PHOSPHO1: variants seen among roughly 807,000 people sequenced by gnomAD.
PHOSPHO1 encodes the protein phosphoethanolamine/phosphocholine phosphatase.
Under a neutral mutation model 17.7 loss-of-function variants are expected in PHOSPHO1, and 6 were observed. The observed-to-expected ratio is 0.34, with a 90% CI of 0.19 to 0.67. PHOSPHO1 has a LOEUF of 0.67. Ranked by LOEUF, PHOSPHO1 falls within the 30% of genes least tolerant of loss-of-function variation. The pLI is 0.69. For missense variants in PHOSPHO1, 330 were observed against 392.1 expected (o/e 0.84, Z 1.34); for synonymous variants, 159 against 174.6 (o/e 0.91, Z 0.71).
At position 49,226,647 on chromosome 17, in the gene PHOSPHO1, C is replaced by T. The variant is rs372420232; in HGVS notation, c.45G>A (p.Arg15=). ...GAGACCCCTGGAGGGACCCACTTAC[C>T]CTAGATAGGCAGCGGAGGCCAGAAA... is the stretch of plus-strand genomic sequence containing the variant. ...FPVSGLRCLS[R]DGRMAAQGAP... Residue 15 remains arginine, a splice_region_variant and synonymous_variant, in exon 2 of 3, where the codon AGG becomes AGA. Transcript: ENST00000310544. 1.2e-6 allele frequency: 2 copies of T among 1,614,172 alleles called. No individual in the cohort carries two copies. Among genetic ancestry groups the T allele is most frequent in the Non-Finnish European group, 1.7e-6 (2 of 1,180,018 alleles).
chr17:49,225,151 G>C, intron 2 of PHOSPHO1, 147 bp from the exon 3 acceptor site: 1 of 1,435,026 alleles, frequency 7.0e-7, no homozygotes, highest in Non-Finnish European at 9.1e-7. Flanking sequence ...ACCCAAGTCT[G>C]GTTAAGCTGG....
rs1187439597 is a variant in PHOSPHO1, at chr17:49,226,657, C to G, written c.35G>C (p.Cys12Ser). 1 of 1,614,216 alleles carries G rather than the reference C, an allele frequency of 6.2e-7. No homozygotes were observed. The highest frequency in any genetic ancestry group is 1.7e-4 in the Middle Eastern group (1 of 6,060). Residue 12 changes from cysteine to serine, a missense_variant, in exon 2 of 3, where the codon TGC (cysteine) becomes TCC (serine). Physicochemically the swap from Cys to Ser is moderately radical, Grantham distance 112. Transcript: ENST00000310544. ...GAGGGACCCACTTACCCTAGATAGG[C>G]AGCGGAGGCCAGAAACTGGAAAACA... Reference protein sequence around the residue: ...SGCFPVSGLRCLSRDGRMAAQ... With the variant: ...SGCFPVSGLRSLSRDGRMAAQ...
rs2043323260 is a variant in PHOSPHO1 at position 49,224,183 on chromosome 17, C to T, written c.*63G>A. The T allele has an allele frequency of 6.8e-7, 1 of 1,472,044 alleles. No homozygotes were observed. The highest frequency in any genetic ancestry group is 9.0e-7 in the Non-Finnish European group (1 of 1,117,236). The allele number at this position is 1,472,044 out of a possible 1,614,324, so 91.2% of individuals were successfully genotyped here. Reference sequence around the variant, plus strand: ...AAAGGGAGTAGTAAAGCTGTCTTTGCCGAATCTCCCTTCCCCGCCCCCTCC... The same window carrying T: ...AAAGGGAGTAGTAAAGCTGTCTTTGTCGAATCTCCCTTCCCCGCCCCCTCC... On this transcript the variant is annotated 3_prime_UTR_variant, in exon 3 of 3. Coordinates refer to ENST00000310544, the MANE Select transcript of PHOSPHO1 (RefSeq NM_178500.4).
chr17:49,224,010 C>T lies in PHOSPHO1; in HGVS notation c.*236G>A, dbSNP rs2043321564. The T allele has an allele frequency of 1.9e-6, 1 of 529,806 alleles. No individual in the cohort carries two copies. The highest frequency in any genetic ancestry group is 3.3e-5 in the East Asian group (1 of 30,598). 32.8% of individuals were successfully genotyped at this position (529,806 alleles called of 1,614,324 possible). ...GCGCGCCACCCCGCGATGGGTCAGA[C>T]TCCAGAACTCAACCGTGCACAGTGG... is the stretch of plus-strand genomic sequence containing the variant. On this transcript the variant is annotated 3_prime_UTR_variant, in exon 3 of 3. Coordinates refer to ENST00000310544, the MANE Select transcript of PHOSPHO1 (RefSeq NM_178500.4).
chr17:49,225,502 A>C (rs1428818117), intron 2 of PHOSPHO1: 1 of 985,318 alleles, frequency 1.0e-6, no homozygotes, highest in East Asian at 1.1e-4. Flanking sequence ...CAACTGGACC[A>C]GTTTCCTCAT....
At position 49,224,271 on chromosome 17, in the gene PHOSPHO1, A is replaced by G; in HGVS notation, c.779T>C (p.Leu260Pro). Reference sequence around the variant, plus strand: ...TCAGCACGACTTCAGCACCTGTTGCAGGTGGAGGCGCACATCTGCAGCCGT... The same window carrying G: ...TCAGCACGACTTCAGCACCTGTTGCGGGTGGAGGCGCACATCTGCAGCCGT... ...WETAADVRLH[L>P]QQVLKSC is the part of the protein sequence containing the mutation. The change falls in exon 3 of 3, where the codon CTG (leucine) becomes CCG (proline). Residue 260 changes from leucine (L) to proline (P), a missense_variant. By Grantham distance (98) the Leu-to-Pro change is moderately conservative. Transcript: ENST00000310544. The G allele has an allele frequency of 1.3e-6, 2 of 1,590,280 alleles. No individual in the cohort carries two copies. The highest frequency in any genetic ancestry group is 1.7e-6 in the Non-Finnish European group (2 of 1,172,686).
chr17:49,226,318 C>G (rs2043356598), intron 2 of PHOSPHO1, among the ~76,000 whole-genome samples: 3 of 152,166 alleles, frequency 2.0e-5, no homozygotes, highest in Admixed American at 2.0e-4. Flanking sequence ...AAACAGAAAC[C>G]CAAGCTCCTC....
intron 2 of PHOSPHO1, among the ~76,000 whole-genome samples, chr17:49,226,106 T>C (rs563388043): frequency 6.6e-6 from 1 of 152,144 alleles, no homozygotes; most frequent in South Asian, 2.1e-4. Flanking sequence ...GCAGCAAGTT[T>C]CCATCACCTT....
At chr17:49,229,574 C>A (rs575341404) in intron 1 of PHOSPHO1, among the ~76,000 whole-genome samples, 2 of 152,192 alleles carry the variant, frequency 1.3e-5, no homozygotes, top group South Asian at 4.1e-4. Flanking sequence ...TCTTACTGGG[C>A]AGATGGAGTT....
chr17:49,226,560 G>T, intron 2 of PHOSPHO1, 87 bp downstream of exon 2: 1 of 1,416,358 alleles, frequency 7.1e-7, no homozygotes, highest in Non-Finnish European at 1.0e-6. Context: ...GGGCTGGATA[G>T]GGCCTCTCCC....
At chr17:49,226,578 T>C in intron 2 of PHOSPHO1, 69 bp downstream of exon 2, 1 of 1,545,034 alleles carries the variant, frequency 6.5e-7, no homozygotes. Context: ...CCCAAGGCCC[T>C]ATGGAAAGGT....
In PHOSPHO1 at chr17:49,224,979, G is replaced by A; in HGVS notation, c.71C>T (p.Ala24Val). The change falls in exon 3 of 3, where the codon GCG (alanine) becomes GTG (valine). Residue 24 changes from alanine (A) to valine (V), a missense_variant. Transcript: ENST00000310544. ...SRDGRMAAQG[A>V]PRFLLTFDFD... Reference sequence around the variant, plus strand: ...GTCGAAGGTCAGGAGGAAGCGCGGCGCGCCCTGCGCGGCCATCCTGCCGTC... The same window carrying A: ...GTCGAAGGTCAGGAGGAAGCGCGGCACGCCCTGCGCGGCCATCCTGCCGTC... 2 of 1,546,872 alleles carry A rather than the reference G, an allele frequency of 1.3e-6. No homozygotes were observed. Among genetic ancestry groups the A allele is most frequent in the Non-Finnish European group, 8.7e-7 (1 of 1,146,698 alleles).
chr17:49,225,663 C>T, intron 2 of PHOSPHO1: 1 of 1,290,166 alleles, frequency 7.8e-7, no homozygotes, highest in Non-Finnish European at 1.0e-6. Context: ...TGCCAATTCC[C>T]CAGGAGGAAC....
chr17:49,225,266 C>T (rs563652657), intron 2 of PHOSPHO1: 34 of 1,402,344 alleles, frequency 2.4e-5, no homozygotes, highest in Non-Finnish European at 2.9e-5. Context: ...GGCTTCTCGG[C>T]ACCTGTTTCC....
At position 49,224,658 on chromosome 17, in the gene PHOSPHO1, C is replaced by A; in HGVS notation, c.392G>T (p.Ser131Ile). The A allele has an allele frequency of 6.3e-7, 1 of 1,585,686 alleles. No homozygotes were observed. The highest frequency in any genetic ancestry group is 8.5e-7 in the Non-Finnish European group (1 of 1,171,286). ...GTGGTGGCCGGCGGCGCGCAGCGAG[C>A]TCTCCACGCCAAAGGTGTTGGCATC... ...ISDANTFGVE[S>I]SLRAAGHHSL... Residue 131 changes from serine (S) to isoleucine (I), a missense_variant, in exon 3 of 3, where the codon AGC becomes ATC. By Grantham distance (142) the Ser-to-Ile change is moderately radical. Transcript: ENST00000310544.
chr17:49,224,158 A>G lies in PHOSPHO1; in HGVS notation c.*88T>C. On this transcript the variant is annotated 3_prime_UTR_variant, in exon 3 of 3. Transcript: ENST00000310544. Reference sequence around the variant, plus strand: ...GAGGGACATAACAAAGCCAAAGGGAAAAGGGAGTAGTAAAGCTGTCTTTGC... The same window carrying G: ...GAGGGACATAACAAAGCCAAAGGGAGAAGGGAGTAGTAAAGCTGTCTTTGC... 1 of 1,430,922 alleles carries G rather than the reference A, an allele frequency of 7.0e-7. No homozygotes were observed. 88.6% of individuals were successfully genotyped at this position (1,430,922 alleles called of 1,614,324 possible).
At chr17:49,228,063 C>G (rs754976692) in intron 1 of PHOSPHO1, among the ~76,000 whole-genome samples, 1 of 152,118 alleles carries the variant, frequency 6.6e-6, no homozygotes, top group African/African-American at 2.4e-5. Flanking sequence ...CCAACCTCAG[C>G]CAGGCGATTT....
Position 49,224,261 on chromosome 17 carries a change from C to T in PHOSPHO1, c.789G>A (p.Val263=). The T allele has an allele frequency of 6.3e-7, 1 of 1,584,424 alleles. No individual in the cohort carries two copies. The change falls in exon 3 of 3, where the codon GTG becomes GTA. Residue 263 remains valine, a synonymous_variant. Transcript: ENST00000310544. ...GCGGCCAGACTCAGCACGACTTCAG[C>T]ACCTGTTGCAGGTGGAGGCGCACAT... ...AADVRLHLQQ[V]LKSC is the part of the protein sequence containing the mutation.
intron 1 of PHOSPHO1, among the ~76,000 whole-genome samples, chr17:49,227,785 CAT>C (rs937140248): frequency 3.3e-5 from 5 of 152,210 alleles, no homozygotes; most frequent in African/African-American, 7.2e-5. Context: ...CCAGACCACA[CAT>C]GTGTTAAATC....
Sources: allele counts gnomAD v4.1 joint callset (sites outside exome capture counted in the v4.1 genomes callset), GRCh38; gene constraint gnomAD v4.1.1; transcripts MANE v1.5; gene names NCBI Gene and HGNC (gene_info 2026-07-23, HGNC 2026-07-21).